The following ZNF488 variants were observed in gnomAD, a reference collection of about 807,000 sequenced individuals.
ZNF488 encodes zinc finger protein 488.
In ZNF488, 1 loss-of-function variant was observed where a neutral mutation model predicts 1.2. The ratio of observed to expected loss-of-function variants is 0.86; its 90% CI spans 0.30 to 4.07. The LOEUF is 4.07. ZNF488 is among the 30% of genes most tolerant of loss of function. The pLI is 0.18. For synonymous variants in ZNF488, 185 were observed against 190.1 expected (o/e 0.97, Z 0.22); for missense variants, 450 against 437.9 (o/e 1.03, Z -0.25).
chr10:47,367,731 C>G lies in ZNF488; in HGVS notation c.*76G>C, dbSNP rs781831259. ...CTCTGCAAAGGACCATGACAGCCCC[C>G]TCAACGCAGGCCCAGGGAGCCCCCC... On this transcript the variant is annotated 3_prime_UTR_variant, in exon 2 of 2. Coordinates refer to ENST00000585316, the MANE Select transcript of ZNF488 (RefSeq NM_153034.4). The G allele has an allele frequency of 1.9e-5, 29 of 1,508,038 alleles. No homozygotes were observed. Among genetic ancestry groups the G allele is most frequent in the Non-Finnish European group, 2.5e-5 (28 of 1,120,284 alleles). The allele number at this position is 1,508,038 out of a possible 1,614,324, so 93.4% of individuals were successfully genotyped here. A position where few individuals can be genotyped will look rare whatever the true frequency, so the allele number is the denominator to read the frequency against.
chr10:47,373,427 A>AAAGAC (rs1430324354), intron 1 of ZNF488, among the ~76,000 whole-genome samples: 7 of 152,184 alleles, frequency 4.6e-5, no homozygotes, highest in African/African-American at 7.2e-5. Flanking sequence ...GTAGAATGGG[A>AAAGAC]AAGACGTGGG....
At chr10:47,373,568 C>T (rs1054527109) in intron 1 of ZNF488, among the ~76,000 whole-genome samples, 4 of 152,108 alleles carry the variant, frequency 2.6e-5, no homozygotes, top group Non-Finnish European at 5.9e-5. Flanking sequence ...TAGAAGGAGG[C>T]TCCCACCTCA....
At position 47,368,247 on chromosome 10, in the gene ZNF488, G is replaced by A. The variant is rs781796487; in HGVS notation, c.583C>T (p.Leu195Phe). The change falls in exon 2 of 2, where the codon CTC becomes TTC. Residue 195 changes from leucine to phenylalanine, a missense_variant. By Grantham distance (22) the Leu-to-Phe change is conservative. Coordinates refer to ENST00000585316, the MANE Select transcript of ZNF488 (RefSeq NM_153034.4). ...SADALGELSG[L>F]LNTTDLACWG... ...CAAGCGAGGTCTGTAGTGTTGAGGAGTCCAGACAGCTCCCCCAGGGCATCT... is the reference window on the plus strand; with the variant it reads ...CAAGCGAGGTCTGTAGTGTTGAGGAATCCAGACAGCTCCCCCAGGGCATCT... 8.1e-6 allele frequency: 13 copies of A among 1,614,138 alleles called. No homozygotes were observed. Among genetic ancestry groups the A allele is most frequent in the Admixed American group, 1.7e-5 (1 of 60,014 alleles).
Position 47,367,658 on chromosome 10 carries a change from T to C in ZNF488, c.*149A>G. ...AAAACACATCATGCAGGTGTGGCTTTTTCAAATTATGCCTGAGCTGTTTAT... is the reference window on the plus strand; with the variant it reads ...AAAACACATCATGCAGGTGTGGCTTCTTCAAATTATGCCTGAGCTGTTTAT... On this transcript the variant is annotated 3_prime_UTR_variant, in exon 2 of 2. Transcript: ENST00000585316. The C allele has an allele frequency of 3.4e-6, 3 of 893,672 alleles. No homozygotes were observed. In the South Asian group the frequency reaches 5.3e-5, roughly 16 times the overall value. The allele number at this position is 893,672 out of a possible 1,614,324, so 55.4% of individuals were successfully genotyped here.
At chr10:47,373,377 G>A (rs1555214068) in intron 1 of ZNF488, among the ~76,000 whole-genome samples, 2 of 152,080 alleles carry the variant, frequency 1.3e-5, no homozygotes, top group Admixed American at 6.6e-5. Context: ...ATAATACACA[G>A]GAATACCAAG....
At chr10:47,379,624 GAC>G (rs1273866069) in intron 1 of ZNF488, among the ~76,000 whole-genome samples, 1 of 149,874 alleles carries the variant, frequency 6.7e-6, no homozygotes, top group African/African-American at 2.4e-5. Flanking sequence ...CCAGACCGAA[GAC>G]CTGCAAGGTG....
chr10:47,367,829 CGGGAGA>C lies in ZNF488; in HGVS notation c.995_1000del (p.Leu332_Ser333del). On this transcript the variant is annotated inframe_deletion, in exon 2 of 2. Coordinates refer to ENST00000585316, the MANE Select transcript of ZNF488 (RefSeq NM_153034.4). ...CTGCTAGCTGTGAGAAGTCATGTGC[CGGGAGA>C]GGTGGTGGCGCTCCCGGAAGTGCTC... The C allele has an allele frequency of 6.2e-7, 1 of 1,612,236 alleles. No individual in the cohort carries two copies. Among genetic ancestry groups the C allele is most frequent in the Non-Finnish European group, 8.5e-7 (1 of 1,179,392 alleles).
Position 47,367,818 on chromosome 10 carries a change from A to G in ZNF488, c.1012T>C (p.Ser338Pro). The G allele has an allele frequency of 6.2e-7, 1 of 1,610,266 alleles. No homozygotes were observed. The highest frequency in any genetic ancestry group is 8.5e-7 in the Non-Finnish European group (1 of 1,178,346). Residue 338 changes from serine (S) to proline (P), a missense_variant, in exon 2 of 2, where the codon TCT (serine) becomes CCT (proline). Transcript: ENST00000585316. ...ERHHLSRHMT[S>P]HS ...TCTGCGGTCACCTGCTAGCTGTGAGAAGTCATGTGCCGGGAGAGGTGGTGG... is the reference window on the plus strand; with the variant it reads ...TCTGCGGTCACCTGCTAGCTGTGAGGAGTCATGTGCCGGGAGAGGTGGTGG...
At chr10:47,373,969 G>A (rs1238697275) in intron 1 of ZNF488, among the ~76,000 whole-genome samples, 2 of 152,204 alleles carry the variant, frequency 1.3e-5, no homozygotes, top group African/African-American at 4.8e-5. Flanking sequence ...ATGTTGAAAT[G>A]TGCTGCCAAA....
At chr10:47,371,299 G>GA (rs1404318886) in intron 1 of ZNF488, among the ~76,000 whole-genome samples, 7 of 151,008 alleles carry the variant, frequency 4.6e-5, no homozygotes, top group African/African-American at 1.2e-4. Flanking sequence ...AATAGTATGG[G>GA]AAAAAAAAGC....
intron 1 of ZNF488, among the ~76,000 whole-genome samples, chr10:47,379,586 G>A (rs1429936548): frequency 5.3e-4 from 79 of 150,392 alleles, no homozygotes; most frequent in Admixed American, 4.4e-3. Context: ...GGCACAGCAC[G>A]TCCTCCAGAA....
intron 1 of ZNF488, among the ~76,000 whole-genome samples, chr10:47,371,527 T>C (rs564651382): frequency 6.6e-6 from 1 of 152,340 alleles, no homozygotes; most frequent in African/African-American, 2.4e-5. Flanking sequence ...ATGTGCTATA[T>C]ACTATGATGA....
chr10:47,371,497 T>TAC, intron 1 of ZNF488, among the ~76,000 whole-genome samples: 1 of 152,320 alleles, frequency 6.6e-6, no homozygotes, highest in East Asian at 1.9e-4. Flanking sequence ...TAATATACCA[T>TAC]ATAATACACT....
chr10:47,369,764 C>A (rs1220862008), intron 1 of ZNF488, among the ~76,000 whole-genome samples: 2 of 152,192 alleles, frequency 1.3e-5, no homozygotes, highest in African/African-American at 4.8e-5. Flanking sequence ...CCCCTTGAGG[C>A]TTGCCCAGTG....
rs1837277450 is a variant in ZNF488 at position 47,367,912 on chromosome 10, G to GC, written c.917_918insG (p.Asp306GlufsTer95). On this transcript the variant is annotated frameshift_variant, in exon 2 of 2. Transcript: ENST00000585316. LOFTEE classifies it high-confidence loss of function. ...CTTCTCTCCGCTTCTGAGAATGTGG[G>GC]TCAGGCCCCGCATGCTCCTTTTTGT... 6.2e-7 allele frequency: 1 copy of GC among 1,613,994 alleles called. No homozygotes were observed. The highest frequency in any genetic ancestry group is 1.3e-5 in the African/African-American group (1 of 74,924).
chr10:47,377,915 T>C (rs782190897), intron 1 of ZNF488, among the ~76,000 whole-genome samples: 1 of 152,064 alleles, frequency 6.6e-6, no homozygotes, highest in Non-Finnish European at 1.5e-5. Flanking sequence ...CCCTCAGGAG[T>C]GCCAGGCCAC....
chr10:47,374,533 C>A (rs560441858), intron 1 of ZNF488, among the ~76,000 whole-genome samples: 191 of 152,288 alleles, frequency 1.3e-3, no homozygotes, highest in African/African-American at 4.2e-3. Context: ...CAGACAGCAG[C>A]CTCTACCTGG....
chr10:47,381,546 G>A (rs915085096), intron 1 of ZNF488, among the ~76,000 whole-genome samples: 9 of 152,296 alleles, frequency 5.9e-5, no homozygotes, highest in African/African-American at 9.6e-5. Flanking sequence ...GGTGGCACTG[G>A]GGAGATGAGC....
intron 1 of ZNF488, among the ~76,000 whole-genome samples, chr10:47,372,643 C>T (rs1345553678): frequency 6.6e-6 from 1 of 152,220 alleles, no homozygotes; most frequent in Non-Finnish European, 1.5e-5. Flanking sequence ...CAAATTCCTC[C>T]AGGGCTCTCT....
Sources: allele counts gnomAD v4.1 joint callset (sites outside exome capture counted in the v4.1 genomes callset), GRCh38; gene constraint gnomAD v4.1.1; transcripts MANE v1.5; gene names NCBI Gene and HGNC (gene_info 2026-07-23, HGNC 2026-07-21).